PDE4DIP: variants seen among roughly 807,000 people sequenced by gnomAD.
PDE4DIP encodes the protein phosphodiesterase 4D interacting protein, also known as myomegalin.
In PDE4DIP, 59 loss-of-function variants were observed where a neutral mutation model predicts 221.4. That is an observed-to-expected ratio of 0.27 (90% CI 0.22 to 0.33). The LOEUF is 0.33. Ranked by LOEUF, PDE4DIP falls within the 10% of genes least tolerant of loss-of-function variation. The pLI is 1.00. For synonymous variants in PDE4DIP, 404 were observed against 815.9 expected, an observed-to-expected ratio of 0.50 and a Z score of 8.60; for missense variants, 1,036 against 2,154.2, an observed-to-expected ratio of 0.48 and a Z score of 10.28.
intron 1 of PDE4DIP, among the ~76,000 whole-genome samples, chr1:148,859,832 G>GTGTGTGTGTA (rs1553399055): frequency 3.6e-4 from 40 of 111,298 alleles, no homozygotes; most frequent in South Asian, 2.0e-3. Context: ...GTGTGTGTAT[G>GTGTGTGTGTA]TGTGTGTGTG....
intron 1 of PDE4DIP, among the ~76,000 whole-genome samples, chr1:148,927,280 A>G (rs1339658886): frequency 9.9e-5 from 15 of 152,020 alleles, no homozygotes; most frequent in African/African-American, 3.1e-4. Context: ...ATCTGAATCT[A>G]TGTTCTAACC....
rs1242758648 is a variant in PDE4DIP at position 148,951,959 on chromosome 1, G to C, written c.637-8695G>C. 4.4e-6 allele frequency: 4 copies of C among 899,590 alleles called. No homozygotes were observed. The East Asian group carries it at 2.7e-4, about 60-fold the overall frequency. 55.7% of individuals were successfully genotyped at this position (899,590 alleles called of 1,614,324 possible). On this transcript the variant is annotated intron_variant, in intron 5 of 43. Transcript: ENST00000369354. Reference sequence around the variant, plus strand: ...CTTAGAACCCAGGCGGGGCGGGGCCGGGAAAGGTGAGGCTGCTGGCGGGAA... The same window carrying C: ...CTTAGAACCCAGGCGGGGCGGGGCCCGGAAAGGTGAGGCTGCTGGCGGGAA...
chr1:149,030,840 C>G (rs1295379588), intron 43 of PDE4DIP: 4 of 963,202 alleles, frequency 4.2e-6, no homozygotes, highest in Non-Finnish European at 4.9e-6. Context: ...ACTGAACCTT[C>G]AGGGAAAAAA....
At chr1:149,022,085 A>G (rs1268377053) in intron 37 of PDE4DIP, among the ~76,000 whole-genome samples, 14 of 150,420 alleles carry the variant, frequency 9.3e-5, no homozygotes, top group African/African-American at 2.7e-4. Flanking sequence ...GCAGCCATTC[A>G]TGGACATGAG....
rs781968967 is a variant in PDE4DIP at position 149,009,785 on chromosome 1, C to A, written c.4921C>A (p.His1641Asn). The A allele has an allele frequency of 5.3e-5, 84 of 1,590,612 alleles. No individual in the cohort carries two copies. The South Asian group carries it at 5.9e-4, about 11-fold the overall frequency. Residue 1641 changes from histidine (H) to asparagine (N), a missense_variant, in exon 30 of 44, where the codon CAC becomes AAC. Transcript: ENST00000369354. ...TGAAGAGAAGAAAGCTTCTCCCAGT[C>A]ACTCAGGTAGCCTCCACTTTCTGGG... is the stretch of plus-strand genomic sequence containing the variant.
exon 2 of PDE4DIP, chr1:148,929,256 G>T (rs1553467841): frequency 1.2e-6 from 2 of 1,612,916 alleles, no homozygotes; most frequent in Non-Finnish European, 1.7e-6. Flanking sequence ...ACAAGAAACA[G>T]CATCTGGATA....
At chr1:148,919,531 C>A (rs1209464875) in intron 1 of PDE4DIP, among the ~76,000 whole-genome samples, 1 of 151,726 alleles carries the variant, frequency 6.6e-6, no homozygotes, top group Non-Finnish European at 1.5e-5. Flanking sequence ...AGATAGAGTC[C>A]TTTCTGAAAA....
At chr1:149,006,994 G>A (rs1373044085) in intron 27 of PDE4DIP, among the ~76,000 whole-genome samples, 3 of 141,768 alleles carry the variant, frequency 2.1e-5, no homozygotes, top group African/African-American at 8.0e-5. Flanking sequence ...GAGCTACCAC[G>A]CCCGGCCCGT....
chr1:148,822,526 C>G (rs1349539413), intron 1 of PDE4DIP, among the ~76,000 whole-genome samples: 1 of 151,332 alleles, frequency 6.6e-6, no homozygotes, highest in Non-Finnish European at 1.5e-5. Flanking sequence ...CAAATCCATC[C>G]CCCACCCTGT....
intron 2 of PDE4DIP, chr1:148,929,965 A>T (rs2047500891): frequency 6.6e-6 from 1 of 152,092 alleles, no homozygotes; most frequent in South Asian, 2.1e-4. Context: ...TCCTAGTGGG[A>T]ATTCCTTGAT....
At chr1:148,889,034 T>C (rs3099814), upstream of PDE4DIP, among the ~76,000 whole-genome samples, 263 of 142,080 alleles carry the variant, frequency 1.9e-3, no homozygotes, top group African/African-American at 6.5e-3. Context: ...CTCAAAAAGC[T>C]TGGGGCTGAA....
At chr1:148,963,038 G>T (rs1444493325) in intron 9 of PDE4DIP, among the ~76,000 whole-genome samples, 28 of 152,030 alleles carry the variant, frequency 1.8e-4, no homozygotes, top group African/African-American at 6.5e-4. Flanking sequence ...GACTACAGGC[G>T]CCCGCCACCA....
intron 20 of PDE4DIP, 54 bp from the exon 24 acceptor site, chr1:148,981,216 C>T (rs1415788175): frequency 1.3e-6 from 2 of 1,564,558 alleles, no homozygotes; most frequent in Non-Finnish European, 8.8e-7. Context: ...CAAATGTGGA[C>T]TCACTACAGT....
At chr1:149,021,307 C>T (rs1283332627) in intron 37 of PDE4DIP, 154 bp downstream of exon 40, 7 of 650,362 alleles carry the variant, frequency 1.1e-5, no homozygotes, top group Non-Finnish European at 1.9e-5. Context: ...TAGGAGCTCT[C>T]AAACACAAAG....
chr1:148,922,832 C>G lies in PDE4DIP; in HGVS notation c.142-6365C>G, dbSNP rs2985346. Among the ~76,000 whole-genome samples the G allele has an allele frequency of 4.0e-5, 6 of 151,106 alleles. No individual in the cohort carries two copies. The East Asian group carries it at 1.0e-3, about 25-fold the overall frequency. On this transcript the variant is annotated intron_variant, in intron 1 of 43. Transcript: ENST00000369354. ...TCATTTCCTGACCTCGTGATCCGCC[C>G]GCCTCGGCCTCCCAAAGTGCTGGGA...
At chr1:148,949,598 A>G (rs1553486055) in intron 5 of PDE4DIP, among the ~76,000 whole-genome samples, 1 of 152,236 alleles carries the variant, frequency 6.6e-6, no homozygotes, top group African/African-American at 2.4e-5. Flanking sequence ...AACCAGTTCA[A>G]CTGCAAACTC....
intron 2 of PDE4DIP, among the ~76,000 whole-genome samples, chr1:148,866,766 A>G (rs1687014533): frequency 2.1e-5 from 1 of 47,956 alleles, no homozygotes; most frequent in African/African-American, 1.9e-4. Flanking sequence ...GATAGGAAGA[A>G]AAGCATGCAA....
At chr1:148,995,873 TAAAAAAATAAAAAATAAAA>T (rs1296023560) in intron 22 of PDE4DIP, among the ~76,000 whole-genome samples, 47 of 118,622 alleles carry the variant, frequency 4.0e-4, no homozygotes, top group Admixed American at 3.3e-4. Flanking sequence ...AATAATAAAA[TAAAAAAATAAAAAATAAAA>T]AAAGAAATAA....
At chr1:148,948,873 A>G (rs1292162578) in intron 5 of PDE4DIP, among the ~76,000 whole-genome samples, 2 of 152,090 alleles carry the variant, frequency 1.3e-5, no homozygotes, top group African/African-American at 2.4e-5. Context: ...CCTGACTTAT[A>G]TCACAATAGA....
Sources: allele counts gnomAD v4.1 joint callset (sites outside exome capture counted in the v4.1 genomes callset), GRCh38; gene constraint gnomAD v4.1.1; transcripts MANE v1.5; gene names NCBI Gene and HGNC (gene_info 2026-07-23, HGNC 2026-07-21).